CHLSN: variants seen among roughly 807,000 people sequenced by gnomAD.
The protein encoded by CHLSN is protein cholesin.
At chr7:1,041,214 C>CCTGGGCTCCGCGCTGCGGGGAAG in the CHLSN span, among the ~76,000 whole-genome samples, 4 of 107,560 alleles carry the variant, frequency 3.7e-5, no homozygotes, top group African/African-American at 1.8e-4. Context: ...CTGCAGGGAA[C>CCTGGGCTCCGCGCTGCGGGGAAG]GGGACCTGGG....
chr7:999,877 G>A, the CHLSN span, among the ~76,000 whole-genome samples: 337 of 152,356 alleles, frequency 2.2e-3, 2 homozygotes, highest in Admixed American at 0.019. Context: ...CCCAGCAGCC[G>A]GGTTTAGTTC....
the CHLSN span, chr7:988,589 G>A: frequency 1.9e-6 from 3 of 1,600,248 alleles, no homozygotes; most frequent in East Asian, 4.5e-5. Flanking sequence ...TCCCCTCCAG[G>A]AGCAGGCCTG....
the CHLSN span, among the ~76,000 whole-genome samples, chr7:1,109,733 C>T: frequency 6.6e-5 from 10 of 151,964 alleles, no homozygotes; most frequent in Non-Finnish European, 1.0e-4. Flanking sequence ...CCCCACTCAC[C>T]CCTCCGTGGG....
At chr7:1,105,525 CTA>C in the CHLSN span, among the ~76,000 whole-genome samples, 2 of 152,170 alleles carry the variant, frequency 1.3e-5, no homozygotes, top group Non-Finnish European at 2.9e-5. Flanking sequence ...TGTGGTGACA[CTA>C]TGTGCAAAAC....
At chr7:1,052,836 G>T in the CHLSN span, among the ~76,000 whole-genome samples, 236 of 152,242 alleles carry the variant, frequency 1.6e-3, no homozygotes, top group African/African-American at 5.3e-3. This position sits in a 1 kb window ranked among gnomAD's most constrained non-coding sequence, Gnocchi z 4.2. Flanking sequence ...GGGGGCAGGC[G>T]GCCCTTCTCT....
At chr7:1,105,269 G>A in the CHLSN span, among the ~76,000 whole-genome samples, 2 of 152,194 alleles carry the variant, frequency 1.3e-5, no homozygotes, top group African/African-American at 4.8e-5. Flanking sequence ...CATGCCCTTC[G>A]AACGCCAAGA....
chr7:1,083,058 G>A, the CHLSN span, among the ~76,000 whole-genome samples: 2 of 152,194 alleles, frequency 1.3e-5, no homozygotes, highest in African/African-American at 2.4e-5. Context: ...TCCTGGGGGC[G>A]GAGGGTCCCC....
At chr7:1,130,445 C>G in the CHLSN span, among the ~76,000 whole-genome samples, 1 of 152,098 alleles carries the variant, frequency 6.6e-6, no homozygotes, top group Non-Finnish European at 1.5e-5. Flanking sequence ...CGGCCCACGC[C>G]TGCTGCTGCA....
the CHLSN span, among the ~76,000 whole-genome samples, chr7:1,102,022 C>T: frequency 2.5e-3 from 385 of 152,378 alleles, 2 homozygotes; most frequent in Non-Finnish European, 3.1e-3. Flanking sequence ...GAAGTCATCA[C>T]AGCAGAGCGC....
At chr7:1,016,937 C>CACCA in the CHLSN span, among the ~76,000 whole-genome samples, 2 of 78,120 alleles carry the variant, frequency 2.6e-5, no homozygotes, top group African/African-American at 9.8e-5. Context: ...CAGCAGCACA[C>CACCA]GCCAGCACAC....
chr7:1,118,855 A>ATT, the CHLSN span, among the ~76,000 whole-genome samples: 1 of 149,058 alleles, frequency 6.7e-6, no homozygotes, highest in African/African-American at 2.5e-5. Flanking sequence ...ATTAAAGCAT[A>ATT]TTTTTTTTTA....
the CHLSN span, among the ~76,000 whole-genome samples, chr7:1,042,007 C>T: frequency 9.9e-5 from 15 of 152,180 alleles, no homozygotes; most frequent in African/African-American, 3.1e-4. Flanking sequence ...CACGCGGCTG[C>T]ATCACAGCAG....
chr7:1,021,763 C>G, the CHLSN span, among the ~76,000 whole-genome samples: 1 of 152,260 alleles, frequency 6.6e-6, no homozygotes, highest in Non-Finnish European at 1.5e-5. Flanking sequence ...CATACACAAA[C>G]AGCGCACTAA....
At chr7:1,001,747 G>C in the CHLSN span, among the ~76,000 whole-genome samples, 5 of 116,994 alleles carry the variant, frequency 4.3e-5, no homozygotes, top group African/African-American at 1.0e-4. Context: ...GGGGAGTCCT[G>C]TGGGTGAGTG....
the CHLSN span, among the ~76,000 whole-genome samples, chr7:1,098,871 C>T: frequency 6.6e-6 from 1 of 152,190 alleles, no homozygotes; most frequent in Non-Finnish European, 1.5e-5. Flanking sequence ...ATGGAGTTTC[C>T]CTGGGGGTGA....
At chr7:1,135,545 T>C in the CHLSN span, among the ~76,000 whole-genome samples, 1 of 150,350 alleles carries the variant, frequency 6.7e-6, no homozygotes, top group South Asian at 2.1e-4. Context: ...GGCGGGGAGA[T>C]CACTTGAGGT....
the CHLSN span, among the ~76,000 whole-genome samples, chr7:1,053,276 C>T: frequency 6.6e-6 from 1 of 152,288 alleles, no homozygotes; most frequent in Non-Finnish European, 1.5e-5. Context: ...GGGCCCAGGC[C>T]ATCCCCCTCA....
At chr7:1,118,799 C>CAGA in the CHLSN span, among the ~76,000 whole-genome samples, 1 of 76,244 alleles carries the variant, frequency 1.3e-5, no homozygotes, top group Non-Finnish European at 2.4e-5. Context: ...CCATCTCTAC[C>CAGA]AAAAAAAAAA....
chr7:1,078,585 C>T, the CHLSN span, among the ~76,000 whole-genome samples: 7 of 152,228 alleles, frequency 4.6e-5, no homozygotes, highest in African/African-American at 1.4e-4. Flanking sequence ...CCCCCCACGC[C>T]GGTTCATCTC....
Sources: allele counts gnomAD v4.1 joint callset (sites outside exome capture counted in the v4.1 genomes callset), GRCh38; gene constraint gnomAD v4.1.1; non-coding constraint Gnocchi (gnomAD v3.1); transcripts MANE v1.5; gene names NCBI Gene and HGNC (gene_info 2026-07-23, HGNC 2026-07-21).